TMEM132D: variants seen among roughly 807,000 people sequenced by gnomAD.
TMEM132D encodes the protein transmembrane protein 132D, also known as mature OL transmembrane protein.
In TMEM132D, 21 loss-of-function variants were observed where a neutral mutation model predicts 62.3. The observed-to-expected ratio is 0.34, with a 90% CI of 0.24 to 0.49. TMEM132D has a LOEUF of 0.49. Ranked by LOEUF, TMEM132D falls within the 20% of genes least tolerant of loss-of-function variation. The pLI is 0.99. For missense variants in TMEM132D, 1,346 were observed against 1,402.8 expected (o/e 0.96, Z 0.65); for synonymous variants, 621 against 575.6 (o/e 1.08, Z -1.13).
intron 4 of TMEM132D, among the ~76,000 whole-genome samples, chr12:129,266,500 CT>C (rs1404881136): frequency 1.3e-5 from 2 of 149,992 alleles, no homozygotes; most frequent in African/African-American, 4.9e-5. Context: ...CTCTTTTTTC[CT>C]TTCCCTTTCT....
intron 2 of TMEM132D, among the ~76,000 whole-genome samples, chr12:129,665,726 T>C (rs552215032): frequency 6.6e-6 from 1 of 152,246 alleles, no homozygotes; most frequent in South Asian, 2.1e-4. Flanking sequence ...AGGTACTTTA[T>C]ATTAACTTTT....
At chr12:129,776,766 T>C (rs1324984545) in intron 1 of TMEM132D, among the ~76,000 whole-genome samples, 4 of 136,710 alleles carry the variant, frequency 2.9e-5, no homozygotes, top group Non-Finnish European at 4.6e-5. Context: ...GGTCTGTAGC[T>C]ACATTTTTAA....
chr12:129,850,995 G>A (rs1873520401), intron 1 of TMEM132D, among the ~76,000 whole-genome samples: 1 of 152,200 alleles, frequency 6.6e-6, no homozygotes, highest in Non-Finnish European at 1.5e-5. Context: ...ATTGGTGTGT[G>A]TTGATCAGAA....
At chr12:129,842,454 CTT>C (rs71085579) in intron 1 of TMEM132D, among the ~76,000 whole-genome samples, 2 of 148,946 alleles carry the variant, frequency 1.3e-5, no homozygotes, top group East Asian at 2.0e-4. Flanking sequence ...AGAAATATTT[CTT>C]TTTTTTTTGG....
chr12:129,878,580 CTT>C (rs33919692), intron 1 of TMEM132D, among the ~76,000 whole-genome samples: 2 of 144,344 alleles, frequency 1.4e-5, no homozygotes, highest in Admixed American at 6.9e-5. Context: ...CTGCAGATTG[CTT>C]TTTTTTTTTT....
At chr12:129,902,326 G>T (rs1875386900) in intron 1 of TMEM132D, among the ~76,000 whole-genome samples, 1 of 152,180 alleles carries the variant, frequency 6.6e-6, no homozygotes, top group Non-Finnish European at 1.5e-5. Context: ...GCACGTATTA[G>T]AGACTGCTGA....
chr12:129,507,324 T>C (rs909910744), intron 3 of TMEM132D, among the ~76,000 whole-genome samples: 14 of 152,226 alleles, frequency 9.2e-5, no homozygotes, highest in Admixed American at 2.6e-4. Context: ...GAACTAAAAG[T>C]AGAACTACCA....
At chr12:129,125,550 G>C (rs1876188488) in intron 5 of TMEM132D, among the ~76,000 whole-genome samples, 1 of 147,534 alleles carries the variant, frequency 6.8e-6, no homozygotes, top group Admixed American at 6.8e-5. Flanking sequence ...TGTCACCCAG[G>C]CTAGAGTGCA....
intron 1 of TMEM132D, among the ~76,000 whole-genome samples, chr12:129,760,779 A>G (rs1396456951): frequency 6.6e-6 from 1 of 151,886 alleles, no homozygotes; most frequent in Non-Finnish European, 1.5e-5. Flanking sequence ...CCCTGCATGC[A>G]TTAGGAATTT....
intron 1 of TMEM132D, among the ~76,000 whole-genome samples, chr12:129,833,153 T>C (rs1339240431): frequency 6.6e-6 from 1 of 152,198 alleles, no homozygotes; most frequent in Non-Finnish European, 1.5e-5. Flanking sequence ...ATAGACCCCG[T>C]AGATATTTTT....
At chr12:129,156,554 T>C (rs932087172) in intron 5 of TMEM132D, among the ~76,000 whole-genome samples, 1 of 151,972 alleles carries the variant, frequency 6.6e-6, no homozygotes, top group Non-Finnish European at 1.5e-5. Context: ...AACCCACTTT[T>C]GTGGTACCCA....
intron 3 of TMEM132D, among the ~76,000 whole-genome samples, chr12:129,389,821 G>A (rs1871246557): frequency 6.6e-6 from 1 of 152,208 alleles, no homozygotes; most frequent in African/African-American, 2.4e-5. Context: ...GAGTTGAAGA[G>A]ACGGAGGCAG....
At chr12:129,263,761 A>G (rs1880613680) in intron 4 of TMEM132D, among the ~76,000 whole-genome samples, 1 of 152,014 alleles carries the variant, frequency 6.6e-6, no homozygotes, top group Non-Finnish European at 1.5e-5. Flanking sequence ...AAAGTAGAGG[A>G]AAAGAAAGCA....
intron 1 of TMEM132D, among the ~76,000 whole-genome samples, chr12:129,863,948 A>G (rs945354830): frequency 1.2e-4 from 19 of 152,172 alleles, no homozygotes; most frequent in African/African-American, 4.6e-4. Flanking sequence ...ATAAGTCTGA[A>G]AAACTTTTTA....
chr12:129,395,228 G>A (rs1871389407), intron 3 of TMEM132D, among the ~76,000 whole-genome samples: 1 of 152,190 alleles, frequency 6.6e-6, no homozygotes, highest in Non-Finnish European at 1.5e-5. Context: ...AGGATAGCGA[G>A]AATGAGGAAT....
At chr12:129,813,675 G>C (rs1565995085) in intron 1 of TMEM132D, among the ~76,000 whole-genome samples, 1 of 149,158 alleles carries the variant, frequency 6.7e-6, no homozygotes, top group Admixed American at 6.8e-5. Flanking sequence ...AAAAAATCGA[G>C]TTGAGGAAAA....
chr12:129,563,803 G>T (rs1369727587), intron 2 of TMEM132D, among the ~76,000 whole-genome samples: 1 of 152,002 alleles, frequency 6.6e-6, no homozygotes, highest in Non-Finnish European at 1.5e-5. Flanking sequence ...ATGGAATCTT[G>T]TACCCAGTAA....
At chr12:129,535,781 T>TGC (rs1156464394) in intron 2 of TMEM132D, among the ~76,000 whole-genome samples, 12 of 98,072 alleles carry the variant, frequency 1.2e-4, no homozygotes, top group African/African-American at 5.9e-4. Context: ...TGTGTGCGTG[T>TGC]GTGTGTGTGT....
chr12:129,093,289 C>A (rs549758010), intron 5 of TMEM132D, among the ~76,000 whole-genome samples: 5 of 152,208 alleles, frequency 3.3e-5, no homozygotes, highest in African/African-American at 1.2e-4. Context: ...AAAACCCCAT[C>A]GTCTCAGCCC....
Sources: gnomAD v4.1 joint callset for allele counts (sites outside exome capture counted in the v4.1 genomes callset) on GRCh38, gnomAD v4.1.1 for gene constraint, MANE v1.5 for transcripts, NCBI Gene and HGNC (gene_info 2026-07-23, HGNC 2026-07-21) for gene names.